The following AK7 variants were observed in gnomAD, a reference collection of about 807,000 sequenced individuals.
AK7 encodes the protein ATP-AMP transphosphorylase 7.
In AK7, 78 loss-of-function variants were observed where a neutral mutation model predicts 96.6. That is an observed-to-expected ratio of 0.81 (90% CI 0.67 to 0.97). The LOEUF is 0.97. Among genes scored for constraint, AK7 ranks in the 50% least tolerant of loss-of-function variants. The pLI is 0.00. For synonymous variants in AK7, 302 were observed against 317.2 expected (o/e 0.95, Z 0.51); for missense variants, 855 against 887.9 (o/e 0.96, Z 0.47).
At chr14:96,475,061 A>G (rs1016719182) in intron 14 of AK7, among the ~76,000 whole-genome samples, 8 of 152,250 alleles carry the variant, frequency 5.3e-5, no homozygotes, top group African/African-American at 1.9e-4. Context: ...CACAGAGGTC[A>G]AGTGACCAAG....
intron 2 of AK7, among the ~76,000 whole-genome samples, chr14:96,402,743 C>T (rs116295466): frequency 6.6e-6 from 1 of 151,890 alleles, no homozygotes; most frequent in African/African-American, 2.4e-5. Flanking sequence ...GTTTCTCCCC[C>T]ACCCCCAAGA....
intron 5 of AK7, 35 bp from the exon 6 acceptor site, chr14:96,437,800 C>T: frequency 6.6e-7 from 1 of 1,519,448 alleles, no homozygotes; most frequent in South Asian, 1.2e-5. Context: ...AATAATATTA[C>T]ATCCAGCTTT....
At chr14:96,433,164 C>T (rs1892451338) in intron 5 of AK7, among the ~76,000 whole-genome samples, 2 of 152,134 alleles carry the variant, frequency 1.3e-5, no homozygotes, top group Non-Finnish European at 2.9e-5. Flanking sequence ...TTCCTCTTCT[C>T]GAGGAGTATC....
intron 4 of AK7, among the ~76,000 whole-genome samples, chr14:96,411,033 G>A (rs1012291053): frequency 7.2e-5 from 11 of 152,034 alleles, no homozygotes; most frequent in East Asian, 1.9e-4. Flanking sequence ...TATTGTATAC[G>A]GTTAAGTTAA....
intron 4 of AK7, among the ~76,000 whole-genome samples, chr14:96,417,299 A>G (rs1434318836): frequency 2.5e-5 from 1 of 39,834 alleles, no homozygotes; most frequent in Admixed American, 2.1e-4. Context: ...ACCCTGTGCA[A>G]TATGAAGACA....
intron 4 of AK7, among the ~76,000 whole-genome samples, chr14:96,418,506 CTTTTTG>C (rs10702431): frequency 0.098 from 14,582 of 148,920 alleles, 852 homozygotes; most frequent in East Asian, 0.16. Context: ...CTCAGTAGGG[CTTTTTG>C]TTTTTGTTTT....
intron 5 of AK7, among the ~76,000 whole-genome samples, chr14:96,435,618 G>A (rs554936426): frequency 6.6e-6 from 1 of 152,256 alleles, no homozygotes; most frequent in East Asian, 1.9e-4. Context: ...ACCTAGAGTT[G>A]CAGTCCTTAT....
chr14:96,467,978 C>T (rs899802785), intron 12 of AK7, among the ~76,000 whole-genome samples: 44 of 149,678 alleles, frequency 2.9e-4, no homozygotes, highest in African/African-American at 1.0e-3. Context: ...GGCTCACGCC[C>T]GTAATCCCAG....
At chr14:96,426,831 G>A (rs554311599) in intron 5 of AK7, among the ~76,000 whole-genome samples, 5 of 152,092 alleles carry the variant, frequency 3.3e-5, no homozygotes, top group Non-Finnish European at 7.4e-5. Flanking sequence ...CTGCTTTTTG[G>A]ATCCTTTTTT....
intron 11 of AK7, 41 bp downstream of exon 11, chr14:96,456,516 A>G (rs1390366434): frequency 6.3e-7 from 1 of 1,598,498 alleles, no homozygotes; most frequent in Non-Finnish European, 8.6e-7. Context: ...TTAATTAATT[A>G]CTGTATTGTT....
intron 5 of AK7, chr14:96,423,744 C>T: frequency 1.4e-6 from 1 of 721,506 alleles, no homozygotes. Context: ...TCGTCCCACT[C>T]GGCCTGGTAA....
chr14:96,467,881 T>A (rs1488590838), intron 12 of AK7, among the ~76,000 whole-genome samples: 1 of 152,016 alleles, frequency 6.6e-6, no homozygotes, highest in African/African-American at 2.4e-5. Context: ...TACATTTATT[T>A]ACCAAGTTCA....
intron 2 of AK7, among the ~76,000 whole-genome samples, chr14:96,403,667 G>A (rs545987662): frequency 6.6e-6 from 1 of 152,328 alleles, no homozygotes; most frequent in African/African-American, 2.4e-5. Flanking sequence ...AAAAGGTTCT[G>A]CTTTAATACA....
intron 5 of AK7, among the ~76,000 whole-genome samples, chr14:96,433,560 T>A (rs1372595638): frequency 2.0e-5 from 3 of 151,086 alleles, no homozygotes; most frequent in Non-Finnish European, 3.0e-5. Flanking sequence ...TTATTCTAGT[T>A]AGCCATTCAT....
chr14:96,437,304 A>C (rs1892693133), intron 5 of AK7, among the ~76,000 whole-genome samples: 1 of 152,176 alleles, frequency 6.6e-6, no homozygotes, highest in Admixed American at 6.5e-5. Flanking sequence ...TGCCTGTATC[A>C]AAACATCTCA....
chr14:96,393,449 G>A (rs1889871224), intron 1 of AK7, among the ~76,000 whole-genome samples: 1 of 152,210 alleles, frequency 6.6e-6, no homozygotes, highest in Admixed American at 6.5e-5. Context: ...GAGGGCAGAA[G>A]TCCAAGATCA....
intron 5 of AK7, among the ~76,000 whole-genome samples, chr14:96,434,119 G>A (rs906803082): frequency 2.6e-5 from 4 of 152,150 alleles, no homozygotes; most frequent in African/African-American, 7.2e-5. Context: ...GCTAGTTGAC[G>A]TTCTTCAGTA....
chr14:96,400,899 G>A (rs1890371108), intron 2 of AK7, among the ~76,000 whole-genome samples: 1 of 152,222 alleles, frequency 6.6e-6, no homozygotes, highest in African/African-American at 2.4e-5. Flanking sequence ...GGAAATGTAA[G>A]TTTGTAGACA....
intron 13 of AK7, among the ~76,000 whole-genome samples, chr14:96,472,140 C>G (rs1298081375): frequency 6.6e-6 from 1 of 152,062 alleles, no homozygotes; most frequent in Non-Finnish European, 1.5e-5. Context: ...CCTCAAGGTT[C>G]ATCCTTGTTG....
Sources: allele counts gnomAD v4.1 joint callset (sites outside exome capture counted in the v4.1 genomes callset), GRCh38; gene constraint gnomAD v4.1.1; transcripts MANE v1.5; gene names NCBI Gene and HGNC (gene_info 2026-07-23, HGNC 2026-07-21).